RAB3IP: variants seen among roughly 807,000 people sequenced by gnomAD.
RAB3IP encodes rab-3A-interacting protein.
In RAB3IP, 36 loss-of-function variants were observed where a neutral mutation model predicts 59.1. The observed-to-expected ratio is 0.61, with a 90% confidence interval of 0.47 to 0.80. The LOEUF (loss-of-function observed/expected upper bound fraction) is 0.80. Among genes scored for constraint, RAB3IP ranks in the 30% least tolerant of loss-of-function variants. The pLI is 0.00. For missense variants in RAB3IP, 511 were observed against 536.0 expected (o/e 0.95, Z 0.46); for synonymous variants, 207 against 191.2 (o/e 1.08, Z -0.68).
chr12:69,801,796 T>C, intron 8 of RAB3IP, 75 bp downstream of exon 8: 1 of 944,910 alleles, frequency 1.1e-6, no homozygotes, highest in Non-Finnish European at 1.7e-6. Flanking sequence ...ATTTAGTTTT[T>C]CTGGTTTTAA....
At chr12:69,801,834 C>CT in intron 8 of RAB3IP, 113 bp downstream of exon 8, 2 of 657,832 alleles carry the variant, frequency 3.0e-6, no homozygotes. Flanking sequence ...TCAGATTTCT[C>CT]TTAAGCGTCT....
chr12:69,787,936 A>G (rs1875967484), intron 4 of RAB3IP, among the ~76,000 whole-genome samples: 1 of 152,184 alleles, frequency 6.6e-6, no homozygotes, highest in South Asian at 2.1e-4. Flanking sequence ...TTGTAAATAC[A>G]AGTTTTAAAA....
chr12:69,739,520 C>G, intron 1 of RAB3IP: 1 of 382,542 alleles, frequency 2.6e-6, no homozygotes, highest in Non-Finnish European at 4.8e-6. Context: ...CGCGGCAGGG[C>G]TGTGGACCTG....
chr12:69,739,515 C>T, intron 1 of RAB3IP: 1 of 351,410 alleles, frequency 2.8e-6, no homozygotes, highest in Non-Finnish European at 5.2e-6. Flanking sequence ...CGCCGCGCGG[C>T]AGGGCTGTGG....
In RAB3IP at chr12:69,823,047, TAAAG is replaced by T. The variant is rs1344141742; in HGVS notation, c.*7605_*7608del. ...AGGAAGTTGTTGAATGTTTCCAACA[TAAAG>T]AAATGATAAGTGTTTGAGATGATGG... On this transcript the variant is annotated 3_prime_UTR_variant, in exon 11 of 11. Coordinates refer to ENST00000247833, the MANE Select transcript of RAB3IP (RefSeq NM_022456.5). 3.9e-5 allele frequency: 6 copies of T among 152,118 alleles called. No homozygotes were observed. Among genetic ancestry groups the T allele is most frequent in the Admixed American group, 6.6e-5 (1 of 15,258 alleles). 9.4% of individuals were successfully genotyped at this position (152,118 alleles called of 1,614,324 possible).
At chr12:69,766,860 C>A (rs574872959) in intron 3 of RAB3IP, among the ~76,000 whole-genome samples, 2 of 152,262 alleles carry the variant, frequency 1.3e-5, no homozygotes, top group African/African-American at 4.8e-5. Context: ...ATGTTTATTT[C>A]TTCTTTTATT....
intron 3 of RAB3IP, among the ~76,000 whole-genome samples, chr12:69,761,008 T>G (rs935973640): frequency 6.6e-6 from 1 of 152,202 alleles, no homozygotes; most frequent in Admixed American, 6.5e-5. Flanking sequence ...CTCTCTCTCC[T>G]TTCCTCTGGA....
intron 4 of RAB3IP, among the ~76,000 whole-genome samples, chr12:69,790,945 A>C (rs1389223170): frequency 1.3e-5 from 2 of 152,186 alleles, no homozygotes; most frequent in African/African-American, 2.4e-5. Flanking sequence ...ATTTCAAAGT[A>C]CATGACAAAG....
chr12:69,740,811 T>A (rs1887257046), intron 1 of RAB3IP, among the ~76,000 whole-genome samples: 1 of 152,256 alleles, frequency 6.6e-6, no homozygotes, highest in Non-Finnish European at 1.5e-5. Context: ...CCTCATTTTT[T>A]AAATATGGCA....
rs1012736952 is a variant in RAB3IP at position 69,818,659 on chromosome 12, A to G, written c.*3213A>G. 3 of 140,470 alleles carry G rather than the reference A, an allele frequency of 2.1e-5. No homozygotes were observed. Among genetic ancestry groups the G allele is most frequent in the African/African-American group, 5.1e-5 (2 of 39,124 alleles). 8.7% of individuals were successfully genotyped at this position (140,470 alleles called of 1,614,324 possible). A position where few individuals can be genotyped will look rare whatever the true frequency, so the allele number is the denominator to read the frequency against. On this transcript the variant is annotated 3_prime_UTR_variant, in exon 11 of 11. Transcript: ENST00000247833. ...ATGAATACCAGCTACTTGCAGCACA[A>G]TAACTCAGAATGAAAAAGCAATTCT...
chr12:69,743,336 G>A (rs11177820), intron 1 of RAB3IP, among the ~76,000 whole-genome samples: 15,034 of 152,160 alleles, frequency 0.099, 835 homozygotes, highest in South Asian at 0.18. Flanking sequence ...TCCCTGTGGG[G>A]AAAAGAATCA....
intron 1 of RAB3IP, among the ~76,000 whole-genome samples, chr12:69,750,724 T>G (rs905301756): frequency 2.3e-5 from 3 of 132,544 alleles, no homozygotes; most frequent in African/African-American, 7.8e-5. Context: ...TTTGGGGTCT[T>G]TCTTTTTTTT....
Position 69,821,586 on chromosome 12 carries a change from A to G in RAB3IP, c.*6140A>G, listed in dbSNP as rs1881751933. 6.6e-6 allele frequency: 1 copy of G among 152,134 alleles called. No homozygotes were observed. The highest frequency in any genetic ancestry group is 2.4e-5 in the African/African-American group (1 of 41,432). 9.4% of individuals were successfully genotyped at this position (152,134 alleles called of 1,614,324 possible). A position where few individuals can be genotyped will look rare whatever the true frequency, so the allele number is the denominator to read the frequency against. On this transcript the variant is annotated 3_prime_UTR_variant, in exon 11 of 11. Transcript: ENST00000247833. ...CCATTGTGTTTTCACACAATGTGCT[A>G]TTTGTCCTTCACAGTGTTTTGGTTT...
At chr12:69,779,427 C>T (rs574658958) in intron 3 of RAB3IP, among the ~76,000 whole-genome samples, 33 of 152,288 alleles carry the variant, frequency 2.2e-4, no homozygotes, top group African/African-American at 7.5e-4. Flanking sequence ...ATTCGGCCAT[C>T]TTGGCTCCTC....
At chr12:69,757,832 CATT>C (rs1180554499) in intron 3 of RAB3IP, among the ~76,000 whole-genome samples, 1 of 152,170 alleles carries the variant, frequency 6.6e-6, no homozygotes, top group African/African-American at 2.4e-5. Flanking sequence ...TAAAATCACA[CATT>C]ATATAGAGGT....
At chr12:69,802,617 T>A (rs907445983) in intron 8 of RAB3IP, among the ~76,000 whole-genome samples, 1 of 152,186 alleles carries the variant, frequency 6.6e-6, no homozygotes, top group African/African-American at 2.4e-5. Flanking sequence ...CAGATCAATA[T>A]AGGGGACTGG....
At chr12:69,764,434 G>C (rs1246760438) in intron 3 of RAB3IP, among the ~76,000 whole-genome samples, 1 of 152,094 alleles carries the variant, frequency 6.6e-6, no homozygotes, top group Non-Finnish European at 1.5e-5. Context: ...GTTGATTTTT[G>C]TCAAAGATCA....
At position 69,770,199 on chromosome 12, in the gene RAB3IP, G is replaced by A. The variant is rs1327529954; in HGVS notation, c.510+13536G>A. The stretch of plus-strand genomic sequence containing the variant: ...TTTTTCTAAAAAATGATGAAGTCTT[G>A]GATTTGATGAAATACACTTGATTAT... On this transcript the variant is annotated intron_variant, in intron 3 of 10. Coordinates refer to ENST00000247833, the MANE Select transcript of RAB3IP (RefSeq NM_022456.5). Among the ~76,000 whole-genome samples the A allele has an allele frequency of 2.0e-5, 3 of 152,038 alleles. No individual in the cohort carries two copies. The East Asian group carries it at 5.8e-4, about 29-fold the overall frequency.
In RAB3IP at chr12:69,743,610, A is replaced by G. The variant is rs1266930269; in HGVS notation, c.-26+4579A>G. Reference sequence around the variant, plus strand: ...AATATCACTACCATTATAGATGTCAAAACTGAACCTTAGAGAGATTAAATG... The same window carrying G: ...AATATCACTACCATTATAGATGTCAGAACTGAACCTTAGAGAGATTAAATG... On this transcript the variant is annotated intron_variant, in intron 1 of 10. Coordinates refer to ENST00000247833, the MANE Select transcript of RAB3IP (RefSeq NM_022456.5). Among the ~76,000 whole-genome samples, 2 of 152,352 alleles carry G rather than the reference A, an allele frequency of 1.3e-5. 1 individual carries two copies. Among genetic ancestry groups the G allele is most frequent in the South Asian group, 4.1e-4 (2 of 4,828 alleles).
Sources: gnomAD v4.1 joint callset for allele counts (sites outside exome capture counted in the v4.1 genomes callset) on GRCh38, gnomAD v4.1.1 for gene constraint, MANE v1.5 for transcripts, NCBI Gene and HGNC (gene_info 2026-07-23, HGNC 2026-07-21) for gene names.